POLD3: variants seen among roughly 807,000 people sequenced by gnomAD.
POLD3 encodes DNA polymerase delta subunit 3.
Under a neutral mutation model 58.2 loss-of-function variants are expected in POLD3, and 19 were observed. The observed-to-expected ratio is 0.33, with a 90% CI of 0.23 to 0.48. The LOEUF is 0.48. Among genes scored for constraint, POLD3 ranks in the 20% least tolerant of loss-of-function variants. The pLI is 0.99. For missense variants in POLD3, 504 were observed against 545.5 expected (o/e 0.92, Z 0.76); for synonymous variants, 172 against 193.5 (o/e 0.89, Z 0.92).
intron 4 of POLD3, among the ~76,000 whole-genome samples, chr11:74,659,538 C>A (rs576527070): frequency 2.0e-5 from 3 of 152,174 alleles, no homozygotes; most frequent in Non-Finnish European, 4.4e-5. Flanking sequence ...TATGCTGTTT[C>A]GCTTTTAAAA....
At chr11:74,647,129 CT>C (rs1241743976), downstream of POLD3, among the ~76,000 whole-genome samples, 5 of 152,168 alleles carry the variant, frequency 3.3e-5, no homozygotes, top group African/African-American at 1.2e-4. Context: ...GGAGGCGGAG[CT>C]CAGGCAGTAA....
intron 5 of POLD3, 92 bp downstream of exon 5, chr11:74,613,102 T>G (rs1233210297): frequency 8.8e-7 from 1 of 1,138,836 alleles, no homozygotes; most frequent in African/African-American, 1.5e-5. Flanking sequence ...GAATGCCAAG[T>G]CTAGTAAAAC....
In POLD3 at chr11:74,635,315, C is replaced by T. The variant is rs144774141; in HGVS notation, c.1119+620C>T. On this transcript the variant is annotated intron_variant, in intron 10 of 11. Coordinates refer to ENST00000263681, the MANE Select transcript of POLD3 (RefSeq NM_006591.3). ...CTCATTAGCTGAAGAGAAAATGGGA[C>T]GAAAGAGACCAGTGGAGATAAAAGG... 8.7e-3 allele frequency among the ~76,000 whole-genome samples: 1,319 copies of T among 152,036 alleles called. 14 individuals carry two copies. The highest frequency in any genetic ancestry group is 0.029 in the African/African-American group (1,211 of 41,434).
intron 2 of POLD3, among the ~76,000 whole-genome samples, chr11:74,603,764 A>G (rs1270055689): frequency 6.6e-6 from 1 of 152,168 alleles, no homozygotes; most frequent in Non-Finnish European, 1.5e-5. Flanking sequence ...GTGAACAGCA[A>G]TGTAGGTTGA....
chr11:74,624,242 A>G (rs540297890), intron 7 of POLD3, among the ~76,000 whole-genome samples: 5 of 152,300 alleles, frequency 3.3e-5, no homozygotes, highest in African/African-American at 7.2e-5. Context: ...TTACTCTTCT[A>G]TACAATTTGG....
chr11:74,658,884 G>A (rs1446406041), intron 4 of POLD3, among the ~76,000 whole-genome samples: 2 of 152,180 alleles, frequency 1.3e-5, no homozygotes, highest in African/African-American at 4.8e-5. Flanking sequence ...CAGGTGCACG[G>A]TGCAAGCTGC....
At chr11:74,667,524 C>T (rs1444567751) in intron 4 of POLD3, among the ~76,000 whole-genome samples, 3 of 151,554 alleles carry the variant, frequency 2.0e-5, no homozygotes, top group Non-Finnish European at 4.4e-5. Flanking sequence ...AGTGAGACTC[C>T]GTCTCAAAAA....
rs190830971 is a variant in POLD3, at chr11:74,667,373, A to C, written c.370-1404A>C. Among the ~76,000 whole-genome samples the C allele has an allele frequency of 7.9e-3, 1,200 of 152,220 alleles. 20 individuals carry two copies. Among genetic ancestry groups the C allele is most frequent in the African/African-American group, 0.027 (1,123 of 41,522 alleles). ...ACACAGTGAAACCCCGTCTCTACTA[A>C]AAATACAAAAAAAAATTAGCCAGGC... On this transcript the variant is annotated intron_variant, in intron 4 of 4. Coordinates refer to the POLD3 transcript ENST00000524752.
chr11:74,627,047 A>G (rs914626810), intron 8 of POLD3, among the ~76,000 whole-genome samples: 26 of 152,178 alleles, frequency 1.7e-4, no homozygotes, highest in African/African-American at 5.8e-4. Context: ...TTTAGAGGGT[A>G]GTCTTTCTAC....
chr11:74,629,569 A>T (rs1230637740), intron 9 of POLD3, among the ~76,000 whole-genome samples: 1 of 150,456 alleles, frequency 6.6e-6, no homozygotes, highest in Non-Finnish European at 1.5e-5. Context: ...ATTATCTAAG[A>T]CTTTTTCTTT....
chr11:74,646,928 G>A (rs1164844648), downstream of POLD3, among the ~76,000 whole-genome samples: 1 of 152,220 alleles, frequency 6.6e-6, no homozygotes, highest in East Asian at 1.9e-4. Context: ...TGGCACCAGG[G>A]ACCGGTTTCA....
intron 9 of POLD3, 47 bp downstream of exon 9, chr11:74,629,370 C>T (rs1475544902): frequency 9.2e-7 from 1 of 1,083,472 alleles, no homozygotes; most frequent in East Asian, 2.5e-5. Context: ...ATTTTACTTT[C>T]AATGTTCAAG....
intron 11 of POLD3, 59 bp downstream of exon 11, chr11:74,636,334 C>T: frequency 6.4e-7 from 1 of 1,552,006 alleles, no homozygotes; most frequent in Non-Finnish European, 8.8e-7. Context: ...CACAGAGGCA[C>T]CATAATCCCT....
chr11:74,614,652 G>A (rs2032025188), intron 5 of POLD3, among the ~76,000 whole-genome samples: 1 of 151,978 alleles, frequency 6.6e-6, no homozygotes, highest in Non-Finnish European at 1.5e-5. Flanking sequence ...AGAGCTTGCA[G>A]CGAGCAGAGA....
chr11:74,636,920 T>C (rs1282110860), intron 11 of POLD3, among the ~76,000 whole-genome samples: 1 of 152,208 alleles, frequency 6.6e-6, no homozygotes, highest in African/African-American at 2.4e-5. Flanking sequence ...TCAGCCATGT[T>C]TTAGCTTCTT....
intron 5 of POLD3, among the ~76,000 whole-genome samples, chr11:74,617,994 C>T (rs1048497497): frequency 5.9e-5 from 9 of 152,230 alleles, no homozygotes; most frequent in East Asian, 5.8e-4. Flanking sequence ...GCTGGGATTA[C>T]AAGCGTGAGC....
At position 74,620,673 on chromosome 11, in the gene POLD3, C is replaced by T. The variant is rs76238535; in HGVS notation, c.733+584C>T. Among the ~76,000 whole-genome samples, 102 of 152,240 alleles carry T rather than the reference C, an allele frequency of 6.7e-4. No homozygotes were observed. In the East Asian group the frequency reaches 0.016, roughly 24 times the overall value. ...AAAGATACTTAAGTAAGAATTCTTT[C>T]GTATGGAAAGAACCAGTAGTCACAT... is the stretch of plus-strand genomic sequence containing the variant. On this transcript the variant is annotated intron_variant, in intron 7 of 11. Coordinates refer to ENST00000263681, the MANE Select transcript of POLD3 (RefSeq NM_006591.3).
chr11:74,619,372 T>G (rs915715032), intron 6 of POLD3, among the ~76,000 whole-genome samples: 31 of 152,178 alleles, frequency 2.0e-4, no homozygotes, highest in Admixed American at 2.0e-3. Context: ...GTTACTATTA[T>G]TATTATCACT....
intron 9 of POLD3, among the ~76,000 whole-genome samples, chr11:74,630,326 G>GA (rs200388359): frequency 2.9e-4 from 43 of 148,050 alleles, no homozygotes; most frequent in Middle Eastern, 6.9e-3. Context: ...ACAAGTGAGT[G>GA]AAAAAAAAAC....
Sources: gnomAD v4.1 joint callset for allele counts (sites outside exome capture counted in the v4.1 genomes callset) on GRCh38, gnomAD v4.1.1 for gene constraint, MANE v1.5 for transcripts, NCBI Gene and HGNC (gene_info 2026-07-23, HGNC 2026-07-21) for gene names.